The following ACOT8 variants were observed in gnomAD, a reference collection of about 807,000 sequenced individuals.
The protein encoded by ACOT8 is acyl-coenzyme A thioesterase 8.
A neutral mutation model predicts 38.4 loss-of-function variants in ACOT8; 31 were observed. That is an observed-to-expected ratio of 0.81 (90% CI 0.61 to 1.09). The LOEUF (loss-of-function observed/expected upper bound fraction) is 1.09. Among genes scored for constraint, ACOT8 ranks in the 50% least tolerant of loss-of-function variants. The pLI, the probability that ACOT8 is intolerant of heterozygous loss-of-function variation, is 0.00. For synonymous variants in ACOT8, 158 were observed against 170.3 expected, an observed-to-expected ratio of 0.93 and a Z score of 0.56; for missense variants, 373 against 421.8, an observed-to-expected ratio of 0.88 and a Z score of 1.01.
intron 1 of ACOT8, 80 bp downstream of exon 1, chr20:45,857,108 G>A (rs1985503881): frequency 2.0e-6 from 3 of 1,534,570 alleles, no homozygotes; most frequent in Non-Finnish European, 2.7e-6. Flanking sequence ...TAGTCCCGGA[G>A]CCAGGGGCCC....
rs771560534 is a variant in ACOT8 at position 45,841,815 on chromosome 20, C to G, written c.*23G>C. ...GGATAGATGGGAGGTTCTTGAAGCCCCAGGCGAAGCTGGTACCTCTGGCTA... is the reference window on the plus strand; with the variant it reads ...GGATAGATGGGAGGTTCTTGAAGCCGCAGGCGAAGCTGGTACCTCTGGCTA... On this transcript the variant is annotated 3_prime_UTR_variant, in exon 6 of 6. Transcript: ENST00000217455. The G allele has an allele frequency of 5.1e-6, 8 of 1,574,598 alleles. No homozygotes were observed. The highest frequency in any genetic ancestry group is 5.1e-6 in the Non-Finnish European group (6 of 1,165,324).
chr20:45,853,832 T>C (rs1985216012), intron 2 of ACOT8: 1 of 1,006,760 alleles, frequency 9.9e-7, no homozygotes. Context: ...CGGGACAGTA[T>C]GAAAAAGTGT....
intron 3 of ACOT8, among the ~76,000 whole-genome samples, chr20:45,846,775 C>T (rs1984712774): frequency 6.6e-6 from 1 of 152,132 alleles, no homozygotes; most frequent in African/African-American, 2.4e-5. Context: ...TTCCCCTGTA[C>T]CAGCATTTTT....
intron 5 of ACOT8, 21 bp downstream of exon 5, chr20:45,843,506 C>T (rs775625443): frequency 6.2e-7 from 1 of 1,603,970 alleles, no homozygotes; most frequent in Non-Finnish European, 8.5e-7. Context: ...GTGCCCTTGT[C>T]CCACACGGCC....
rs755144727 is a variant in ACOT8 at position 45,843,695 on chromosome 20, A to G, written c.673T>C (p.Cys225Arg). 6.2e-7 allele frequency: 1 copy of G among 1,609,514 alleles called. No homozygotes were observed. The highest frequency in any genetic ancestry group is 1.1e-5 in the South Asian group (1 of 91,022). ...IGEGDMKMHCCVAAYISDYAF... is the reference protein window; with the variant it reads ...IGEGDMKMHCRVAAYISDYAF... Reference sequence around the variant, plus strand: ...TAGTCGGAGATATAGGCGGCCACGCAGCAGTGCATCTTCATGTCGCCCTCG... The same window carrying G: ...TAGTCGGAGATATAGGCGGCCACGCGGCAGTGCATCTTCATGTCGCCCTCG... The change falls in exon 5 of 6, where the codon TGC becomes CGC. Residue 225 changes from cysteine (C) to arginine (R), a missense_variant. Cys to Arg is a radical substitution (Grantham distance 180). Transcript: ENST00000217455.
At chr20:45,843,361 G>A (rs138190275) in intron 5 of ACOT8, 166 bp downstream of exon 5, 5 of 927,464 alleles carry the variant, frequency 5.4e-6, no homozygotes, top group African/African-American at 4.9e-5. Context: ...AGGTGTCCCG[G>A]CCTCACCCTC....
At position 45,855,159 on chromosome 20, in the gene ACOT8, CTGCCCGAACAAAG is replaced by C. The variant is rs766623791; in HGVS notation, c.249_261del (p.Tyr83Ter). On this transcript the variant is annotated frameshift_variant and splice_region_variant, in exon 2 of 6. Transcript: ENST00000217455. LOFTEE classifies it high-confidence loss of function. The stretch of plus-strand genomic sequence containing the variant: ...TTGGGGCAGGAAGTGGGGGGTTTAC[CTGCCCGAACAAAG>C]TAGCAGTGCAGGGAGTGCACGTGGA... The C allele has an allele frequency of 3.7e-6, 6 of 1,613,838 alleles. No homozygotes were observed. The East Asian group carries it at 1.3e-4, about 36-fold the overall frequency.
At chr20:45,856,595 G>C (rs1985455859) in intron 1 of ACOT8, among the ~76,000 whole-genome samples, 1 of 151,732 alleles carries the variant, frequency 6.6e-6, no homozygotes, top group South Asian at 2.1e-4. Context: ...CAGGAGAAAT[G>C]CTTGAACCCG....
chr20:45,855,833 G>T (rs1464340425), intron 1 of ACOT8, among the ~76,000 whole-genome samples: 2 of 152,204 alleles, frequency 1.3e-5, no homozygotes, highest in African/African-American at 4.8e-5. Context: ...TCAGTGTACA[G>T]ATGAGAAAAC....
chr20:45,850,879 C>T (rs1264026978), intron 2 of ACOT8, among the ~76,000 whole-genome samples: 1 of 151,944 alleles, frequency 6.6e-6, no homozygotes, highest in Admixed American at 6.6e-5. Context: ...ACAAGACCAC[C>T]ACCACCAGAG....
chr20:45,855,568 C>CA (rs1455837105), intron 1 of ACOT8, among the ~76,000 whole-genome samples: 1 of 152,030 alleles, frequency 6.6e-6, no homozygotes, highest in Non-Finnish European at 1.5e-5. Flanking sequence ...GCCTGGCCAA[C>CA]ATGGTGAAAC....
Position 45,857,262 on chromosome 20 carries a change from A to T in ACOT8, c.54T>A (p.Asp18Glu). Residue 18 changes from aspartate to glutamate, a missense_variant, in exon 1 of 6, where the codon GAT (aspartate) becomes GAA (glutamate). Asp to Glu is a conservative substitution (Grantham distance 45). Coordinates refer to ENST00000217455, the MANE Select transcript of ACOT8 (RefSeq NM_005469.4). ...AGACGCTACGGAGGTCCCCAGGGGGATCGCCGCGGTCGCCACAGCCCTGCC... is the reference window on the plus strand; with the variant it reads ...AGACGCTACGGAGGTCCCCAGGGGGTTCGCCGCGGTCGCCACAGCCCTGCC... Reference protein sequence around the residue: ...EDGQGCGDRGDPPGDLRSVLV... With the variant: ...EDGQGCGDRGEPPGDLRSVLV... The T allele has an allele frequency of 2.5e-6, 4 of 1,613,320 alleles. No homozygotes were observed. The highest frequency in any genetic ancestry group is 3.4e-6 in the Non-Finnish European group (4 of 1,179,920).
rs755297209 is a variant in ACOT8, at chr20:45,844,384, G to A, written c.525C>T (p.Leu175=). The change falls in exon 4 of 6, where the codon CTC becomes CTT. Residue 175 remains leucine (L), a synonymous_variant. Transcript: ENST00000217455. ...GGACCTCCTGAGCAGCAATTCGGTT[G>A]AGCGCCAATGGGTACCTCTTTTGGA... ...PNLQKRYPLA[L]NRIAAQEVPI... 1.2e-6 allele frequency: 2 copies of A among 1,614,106 alleles called. No homozygotes were observed. Among genetic ancestry groups the A allele is most frequent in the Non-Finnish European group, 1.7e-6 (2 of 1,179,996 alleles).
chr20:45,843,720 G>C lies in ACOT8; in HGVS notation c.648C>G (p.Gly216=). The C allele has an allele frequency of 6.2e-7, 1 of 1,605,678 alleles. No individual in the cohort carries two copies. Among genetic ancestry groups the C allele is most frequent in the Non-Finnish European group, 8.5e-7 (1 of 1,173,452 alleles). The change falls in exon 5 of 6, where the codon GGC becomes GGG. Residue 216 remains glycine (G), a splice_region_variant and synonymous_variant. Transcript: ENST00000217455. ...MFWVRARGYI[G]EGDMKMHCCV... ...AGCAGTGCATCTTCATGTCGCCCTC[G>C]CCTGCAACAGGTCCCCATCAGCCCT...
intron 2 of ACOT8, among the ~76,000 whole-genome samples, chr20:45,851,015 AC>A (rs1394222419): frequency 1.3e-5 from 2 of 152,108 alleles, no homozygotes; most frequent in Non-Finnish European, 2.9e-5. Flanking sequence ...ACCTTGAGGA[AC>A]CCTGACATCT....
At chr20:45,856,684 A>G (rs1332358990) in intron 1 of ACOT8, among the ~76,000 whole-genome samples, 1 of 152,208 alleles carries the variant, frequency 6.6e-6, no homozygotes, top group Admixed American at 6.5e-5. Flanking sequence ...CGCCTCAAAG[A>G]AAGAAAGAAA....
intron 1 of ACOT8, among the ~76,000 whole-genome samples, chr20:45,855,946 T>G (rs1985391747): frequency 6.6e-6 from 1 of 152,032 alleles, no homozygotes; most frequent in Admixed American, 6.6e-5. Flanking sequence ...GTTTGGCATT[T>G]TCTGTAACAA....
intron 2 of ACOT8, among the ~76,000 whole-genome samples, chr20:45,854,676 C>A (rs1175500199): frequency 6.6e-6 from 1 of 152,160 alleles, no homozygotes; most frequent in African/African-American, 2.4e-5. Context: ...AAATTATGGA[C>A]AAAACTGAAG....
Position 45,841,778 on chromosome 20 carries a change from T to C in ACOT8, c.*60A>G. The C allele has an allele frequency of 6.6e-7, 1 of 1,512,374 alleles. No homozygotes were observed. Among genetic ancestry groups the C allele is most frequent in the Non-Finnish European group, 8.8e-7 (1 of 1,138,182 alleles). 93.7% of individuals were successfully genotyped at this position (1,512,374 alleles called of 1,614,324 possible). On this transcript the variant is annotated 3_prime_UTR_variant, in exon 6 of 6. Transcript: ENST00000217455. Reference sequence around the variant, plus strand: ...GGGCCAAAAGGGACTGTAACTCCTGTCTCAGGAATGGGGATAGATGGGAGG... The same window carrying C: ...GGGCCAAAAGGGACTGTAACTCCTGCCTCAGGAATGGGGATAGATGGGAGG...
Sources: allele counts gnomAD v4.1 joint callset (sites outside exome capture counted in the v4.1 genomes callset), GRCh38; gene constraint gnomAD v4.1.1; transcripts MANE v1.5; gene names NCBI Gene and HGNC (gene_info 2026-07-23, HGNC 2026-07-21).